Variants in ERC1 observed in about 807,000 individuals in gnomAD.
The protein encoded by ERC1 is RAB6 interacting protein 2.
ERC1 carries 56 observed loss-of-function variants against 132.0 expected under a neutral mutation model. The ratio of observed to expected loss-of-function variants is 0.42; its 90% confidence interval spans 0.34 to 0.53. The LOEUF (loss-of-function observed/expected upper bound fraction) is 0.53, where lower values mean the gene tolerates loss of function less well. ERC1 is among the 20% of genes least tolerant of loss of function. ERC1 has a pLI of 0.03. For synonymous variants in ERC1, 478 were observed against 476.1 expected, an observed-to-expected ratio of 1.00 and a Z score of -0.05; for missense variants, 1,202 against 1,349.9, an observed-to-expected ratio of 0.89 and a Z score of 1.72.
intron 15 of ERC1, among the ~76,000 whole-genome samples, chr12:1,292,345 A>G (rs1260475677): frequency 6.6e-6 from 1 of 152,222 alleles, no homozygotes; most frequent in African/African-American, 2.4e-5. Flanking sequence ...GTTGTAAGTC[A>G]TTCAAAGAAT....
chr12:1,438,954 A>AAAAAAAAAATATATATAT (rs1015181197), intron 17 of ERC1, among the ~76,000 whole-genome samples: 1 of 143,492 alleles, frequency 7.0e-6, no homozygotes, highest in African/African-American at 2.6e-5. Context: ...TTTAAAAAAA[A>AAAAAAAAAATATATATAT]ATATATATAT....
chr12:1,078,969 T>C (rs188887046), intron 2 of ERC1, among the ~76,000 whole-genome samples: 6 of 152,048 alleles, frequency 3.9e-5, no homozygotes. Flanking sequence ...CAAAAGTCAA[T>C]ATACAAAGAT....
chr12:1,489,862 C>T (rs1042183394), intron 18 of ERC1, among the ~76,000 whole-genome samples: 1 of 152,232 alleles, frequency 6.6e-6, no homozygotes, highest in Non-Finnish European at 1.5e-5. Context: ...ACTGAAGTCA[C>T]AGCTCTGCAA....
At chr12:1,459,667 A>G (rs751377505) in intron 18 of ERC1, among the ~76,000 whole-genome samples, 5 of 152,242 alleles carry the variant, frequency 3.3e-5, no homozygotes, top group Non-Finnish European at 7.3e-5. Flanking sequence ...AGAACAGACT[A>G]TTTGCATAGA....
intron 15 of ERC1, among the ~76,000 whole-genome samples, chr12:1,356,832 C>T (rs1322706300): frequency 6.6e-6 from 1 of 152,170 alleles, no homozygotes; most frequent in Non-Finnish European, 1.5e-5. Context: ...TACCAGGTGT[C>T]TCATTCCAAA....
At chr12:1,211,742 G>C (rs1018276875) in intron 12 of ERC1, among the ~76,000 whole-genome samples, 2 of 132,402 alleles carry the variant, frequency 1.5e-5, no homozygotes, top group Admixed American at 1.5e-4. Flanking sequence ...TTTTTTTTTT[G>C]TATTTTCAGT....
chr12:1,019,410 C>T (rs1965993943), intron 1 of ERC1, among the ~76,000 whole-genome samples: 1 of 152,190 alleles, frequency 6.6e-6, no homozygotes. Flanking sequence ...TAGGTATGAG[C>T]CACCGTGCCC....
chr12:1,478,008 A>G (rs188371823), intron 18 of ERC1, among the ~76,000 whole-genome samples: 4 of 152,342 alleles, frequency 2.6e-5, no homozygotes, highest in African/African-American at 7.2e-5. Context: ...ATCATTCAGT[A>G]TGGACATTTG....
At chr12:1,458,439 T>G (rs114711767) in intron 18 of ERC1, among the ~76,000 whole-genome samples, 1,578 of 152,284 alleles carry the variant, frequency 0.01, 28 homozygotes, top group African/African-American at 0.036. Flanking sequence ...AATTCATGGT[T>G]TTTAACAGAT....
intron 14 of ERC1, among the ~76,000 whole-genome samples, chr12:1,271,926 G>A (rs2077883965): frequency 6.6e-6 from 1 of 152,206 alleles, no homozygotes; most frequent in South Asian, 2.1e-4. Context: ...CTGAATGTGA[G>A]GGAAGTCGAG....
chr12:1,014,665 A>T (rs74864055), intron 1 of ERC1, among the ~76,000 whole-genome samples: 2,079 of 152,254 alleles, frequency 0.014, 44 homozygotes, highest in African/African-American at 0.047. Context: ...CCTCGTAAGC[A>T]TTCTTCTGTA....
chr12:1,291,252 T>C (rs1394935793), intron 15 of ERC1, among the ~76,000 whole-genome samples: 1 of 152,124 alleles, frequency 6.6e-6, no homozygotes, highest in African/African-American at 2.4e-5. Context: ...ATGAGTGATA[T>C]GTCTTGGAAG....
intron 12 of ERC1, among the ~76,000 whole-genome samples, chr12:1,230,396 C>G (rs1378121176): frequency 6.6e-6 from 1 of 152,014 alleles, no homozygotes; most frequent in Non-Finnish European, 1.5e-5. Flanking sequence ...TTTAAATTTC[C>G]CTCCTATTAT....
chr12:1,400,914 G>GTTT lies in ERC1; in HGVS notation c.2926-7234_2926-7233insTTT, dbSNP rs1566774897. Reference sequence around the variant, plus strand: ...ATTCAATATTGTTTTGGCTATTTTTGTATTTTTTTTTTTTTTTTTTTTTTT... The same window carrying GTTT: ...ATTCAATATTGTTTTGGCTATTTTTGTTTTATTTTTTTTTTTTTTTTTTTTTTT... On this transcript the variant is annotated intron_variant, in intron 16 of 18. Coordinates refer to ENST00000360905, the MANE Select transcript of ERC1 (RefSeq NM_178040.4). Among the ~76,000 whole-genome samples, 19 of 11,130 alleles carry GTTT rather than the reference G, an allele frequency of 1.7e-3. 1 individual carries two copies. The highest frequency in any genetic ancestry group is 4.6e-3 in the Admixed American group (4 of 864). The allele number at this position is 11,130 out of a possible 152,430, so 7.3% of individuals were successfully genotyped here.
chr12:1,323,703 A>C (rs2082266026), intron 15 of ERC1, among the ~76,000 whole-genome samples: 1 of 152,226 alleles, frequency 6.6e-6, no homozygotes, highest in African/African-American at 2.4e-5. Flanking sequence ...TTTGTTGCAG[A>C]AAATTAACTG....
chr12:1,380,568 C>T (rs1454165387), intron 16 of ERC1: 7 of 152,274 alleles, frequency 4.6e-5, no homozygotes, highest in African/African-American at 7.2e-5. Context: ...TGAATGAACA[C>T]GTAACTCTCC....
At position 1,341,671 on chromosome 12, in the gene ERC1, G is replaced by C. The variant is rs2083911241; in HGVS notation, c.2781-30162G>C. Among the ~76,000 whole-genome samples, 3 of 150,836 alleles carry C rather than the reference G, an allele frequency of 2.0e-5. No homozygotes were observed. The South Asian group carries it at 6.3e-4, about 32-fold the overall frequency. Reference sequence around the variant, plus strand: ...CACTGGGGCCTGTCATGGGGTGGGGGGTTGGGGGAGGGATAGCATTAGGAG... The same window carrying C: ...CACTGGGGCCTGTCATGGGGTGGGGCGTTGGGGGAGGGATAGCATTAGGAG... On this transcript the variant is annotated intron_variant, in intron 15 of 18. Coordinates refer to ENST00000360905, the MANE Select transcript of ERC1 (RefSeq NM_178040.4).
chr12:1,066,709 T>C lies in ERC1; in HGVS notation c.670-16455T>C, dbSNP rs189719495. The stretch of plus-strand genomic sequence containing the variant: ...AAAATTATCCGGGTGTGGTGGTAGG[T>C]GCCTGTAATCCCAACTATTCAGGAG... On this transcript the variant is annotated intron_variant, in intron 2 of 18. Transcript: ENST00000360905. Among the ~76,000 whole-genome samples, 537 of 151,914 alleles carry C rather than the reference T, an allele frequency of 3.5e-3. 2 individuals are homozygous for C. The highest frequency in any genetic ancestry group is 0.012 in the African/African-American group (484 of 41,428).
At chr12:1,126,823 AC>A (rs1948211995) in intron 7 of ERC1, among the ~76,000 whole-genome samples, 1 of 152,034 alleles carries the variant, frequency 6.6e-6, no homozygotes, top group African/African-American at 2.4e-5. Flanking sequence ...CCCCGTCTCT[AC>A]TAAAAATAAA....
Sources: allele counts gnomAD v4.1 joint callset (sites outside exome capture counted in the v4.1 genomes callset), GRCh38; gene constraint gnomAD v4.1.1; transcripts MANE v1.5; gene names NCBI Gene and HGNC (gene_info 2026-07-23, HGNC 2026-07-21).